The following MYH15 variants were observed in gnomAD, a reference collection of about 807,000 sequenced individuals.
The protein encoded by MYH15 is myosin heavy chain 15, also known as myosin-15.
A neutral mutation model predicts 240.5 loss-of-function variants in MYH15; 227 were observed. The ratio of observed to expected loss-of-function variants is 0.94; its 90% CI spans 0.85 to 1.05. The LOEUF (loss-of-function observed/expected upper bound fraction) is 1.05, where lower values mean the gene tolerates loss of function less well. MYH15 is among the 50% of genes least tolerant of loss of function. The pLI, the probability that MYH15 is intolerant of heterozygous loss-of-function variation, is 0.00. For missense variants in MYH15, 2,217 were observed against 2,247.5 expected, an observed-to-expected ratio of 0.99 and a Z score of 0.27; for synonymous variants, 785 against 796.7, an observed-to-expected ratio of 0.99 and a Z score of 0.25.
intron 31 of MYH15, among the ~76,000 whole-genome samples, chr3:108,409,637 C>T (rs1445206168): frequency 6.6e-6 from 1 of 152,178 alleles, no homozygotes. Context: ...AATGAACTTG[C>T]TTCCAGGGCA....
intron 5 of MYH15, 126 bp downstream of exon 5, chr3:108,499,329 G>T (rs2083418987): frequency 2.1e-6 from 2 of 944,796 alleles, no homozygotes; most frequent in Non-Finnish European, 3.3e-6. Context: ...TACCTCAAAT[G>T]TATTGCATCT....
chr3:108,410,477 TA>T, intron 31 of MYH15, 105 bp downstream of exon 31: 1 of 729,148 alleles, frequency 1.4e-6, no homozygotes, highest in Non-Finnish European at 2.1e-6. Flanking sequence ...ATTGAAAAGT[TA>T]AAACATGTTG....
chr3:108,461,435 G>A (rs148120466), intron 16 of MYH15, among the ~76,000 whole-genome samples: 244 of 152,144 alleles, frequency 1.6e-3, no homozygotes, highest in African/African-American at 5.2e-3. Flanking sequence ...GTTCAGATCC[G>A]TCAGAAACTT....
chr3:108,472,965 A>G lies in MYH15; in HGVS notation c.1234-2118T>C, dbSNP rs559563800. On this transcript the variant is annotated intron_variant, in intron 12 of 40. Transcript: ENST00000693548. ...GTTACTGGGGGGCAATAGTGCATAT[A>G]GAAAACAACAACAGAAAAAAAATAA... is the stretch of plus-strand genomic sequence containing the variant. 4.6e-5 allele frequency among the ~76,000 whole-genome samples: 7 copies of G among 152,332 alleles called. No homozygotes were observed. The East Asian group carries it at 1.4e-3, about 29-fold the overall frequency.
intron 1 of MYH15, among the ~76,000 whole-genome samples, chr3:108,516,664 G>A (rs893373146): frequency 1.3e-5 from 2 of 152,092 alleles, no homozygotes; most frequent in African/African-American, 2.4e-5. Context: ...ATCTTAAGTG[G>A]TTAGTCTTTA....
chr3:108,382,280 G>C (rs1409569779), intron 40 of MYH15, among the ~76,000 whole-genome samples: 1 of 152,162 alleles, frequency 6.6e-6, no homozygotes, highest in Non-Finnish European at 1.5e-5. Flanking sequence ...ACTTATCCTT[G>C]AGGCAGCTAT....
intron 28 of MYH15, among the ~76,000 whole-genome samples, chr3:108,420,553 G>A (rs958484951): frequency 4.6e-5 from 7 of 152,150 alleles, no homozygotes; most frequent in African/African-American, 1.4e-4. Flanking sequence ...GTATGCCCGG[G>A]GTGTACAAAG....
intron 28 of MYH15, among the ~76,000 whole-genome samples, chr3:108,419,292 AT>A (rs1421627021): frequency 6.6e-6 from 1 of 152,194 alleles, no homozygotes; most frequent in Non-Finnish European, 1.5e-5. Context: ...GCTTGAATAA[AT>A]TTGTACTTCT....
rs536961032 is a variant in MYH15 at position 108,462,836 on chromosome 3, T to C, written c.1864+275A>G. Among the ~76,000 whole-genome samples the C allele has an allele frequency of 3.3e-5, 5 of 152,174 alleles. No homozygotes were observed. In the South Asian group the frequency reaches 1.0e-3, roughly 32 times the overall value. On this transcript the variant is annotated intron_variant, in intron 16 of 40. Transcript: ENST00000693548. ...CAATAAGTTATTGCCCCAAAATCAT[T>C]CATCAAAACATGTTTTTTGTTTTCC...
rs2082914401 is a variant in MYH15, at chr3:108,444,845, T to C, written c.2450A>G (p.Lys817Arg). 1 of 1,613,940 alleles carries C rather than the reference T, an allele frequency of 6.2e-7. No homozygotes were observed. The highest frequency in any genetic ancestry group is 8.5e-7 in the Non-Finnish European group (1 of 1,179,956). The change falls in exon 22 of 41, where the codon AAG becomes AGG. Residue 817 changes from lysine (K) to arginine (R), a missense_variant. Lys to Arg is a conservative substitution (Grantham distance 26). Coordinates refer to ENST00000693548, the MANE Select transcript of MYH15 (RefSeq NM_014981.3). ...QWNIRAFMAV[K>R]NWPWMRLFFK... is the part of the protein sequence containing the mutation. ...GAAGAGCCTCATCCAGGGCCAGTTC[T>C]TCACAGCCATGAAAGCTCTTATGTT...
At chr3:108,541,832 G>T in the MYH15 span, among the ~76,000 whole-genome samples, 17 of 151,964 alleles carry the variant, frequency 1.1e-4, no homozygotes, top group African/African-American at 3.9e-4. Context: ...AGCCCTATAC[G>T]TATTGATATC....
intron 1 of MYH15, among the ~76,000 whole-genome samples, chr3:108,517,584 C>T (rs1203835595): frequency 2.0e-5 from 3 of 151,884 alleles, no homozygotes; most frequent in African/African-American, 7.3e-5. Context: ...CCACCCACCT[C>T]GACTTCCCAA....
intron 9 of MYH15, among the ~76,000 whole-genome samples, chr3:108,489,361 C>T (rs572533798): frequency 6.6e-6 from 1 of 151,318 alleles, no homozygotes; most frequent in African/African-American, 2.4e-5. Context: ...CAAGAATAGA[C>T]ACAATAAATA....
At chr3:108,525,144 G>T (rs1245987285) in intron 1 of MYH15, among the ~76,000 whole-genome samples, 1 of 152,012 alleles carries the variant, frequency 6.6e-6, no homozygotes, top group Non-Finnish European at 1.5e-5. Context: ...ATCTTTAGAA[G>T]ATGGGGAAAA....
At position 108,429,733 on chromosome 3, in the gene MYH15, G is replaced by A. The variant is rs1406166060; in HGVS notation, c.3313-852C>T. Reference sequence around the variant, plus strand: ...TTCCTTTCCATTAAATAAGACTACTGTGGCTTAGAAAAAACTAATTTCTAG... The same window carrying A: ...TTCCTTTCCATTAAATAAGACTACTATGGCTTAGAAAAAACTAATTTCTAG... On this transcript the variant is annotated intron_variant, in intron 26 of 40. Coordinates refer to ENST00000693548, the MANE Select transcript of MYH15 (RefSeq NM_014981.3). 5.9e-5 allele frequency among the ~76,000 whole-genome samples: 9 copies of A among 152,252 alleles called. No individual in the cohort carries two copies. The East Asian group carries it at 1.7e-3, about 29-fold the overall frequency.
chr3:108,453,128 G>T (rs774338901), intron 21 of MYH15, among the ~76,000 whole-genome samples: 1 of 152,062 alleles, frequency 6.6e-6, no homozygotes, highest in Non-Finnish European at 1.5e-5. Context: ...TAGACATGAA[G>T]AAAGTAAACT....
chr3:108,393,943 T>C (rs2082439451), intron 36 of MYH15, 88 bp downstream of exon 36: 4 of 1,566,572 alleles, frequency 2.6e-6, no homozygotes, highest in African/African-American at 2.7e-5. Flanking sequence ...AATGGAATAC[T>C]TTTTGGCTGC....
At chr3:108,505,419 A>G (rs1446251340) in intron 2 of MYH15, among the ~76,000 whole-genome samples, 2 of 152,018 alleles carry the variant, frequency 1.3e-5, no homozygotes, top group African/African-American at 2.4e-5. Context: ...ACAAGCATGT[A>G]CCACCACGAC....
At chr3:108,427,760 T>A (rs2082738062) in intron 27 of MYH15, among the ~76,000 whole-genome samples, 1 of 152,314 alleles carries the variant, frequency 6.6e-6, no homozygotes, top group South Asian at 2.1e-4. Context: ...ATATTCTACA[T>A]TTTTCTAACC....
Sources: allele counts gnomAD v4.1 joint callset (sites outside exome capture counted in the v4.1 genomes callset), GRCh38; gene constraint gnomAD v4.1.1; transcripts MANE v1.5; gene names NCBI Gene and HGNC (gene_info 2026-07-23, HGNC 2026-07-21).